ST3GAL6: variants seen among roughly 807,000 people sequenced by gnomAD.
ST3GAL6 encodes the protein type 2 lactosamine alpha-2,3-sialyltransferase.
A neutral mutation model predicts 40.5 loss-of-function variants in ST3GAL6; 31 were observed. That is an observed-to-expected ratio of 0.77 (90% CI 0.58 to 1.03). ST3GAL6 has a LOEUF of 1.03. ST3GAL6 is among the 50% of genes least tolerant of loss of function. The pLI, the probability that ST3GAL6 is intolerant of heterozygous loss-of-function variation, is 0.00. For synonymous variants in ST3GAL6, 129 were observed against 136.9 expected, an observed-to-expected ratio of 0.94 and a Z score of 0.40; for missense variants, 357 against 393.2, an observed-to-expected ratio of 0.91 and a Z score of 0.78.
chr3:98,795,780 A>G lies in ST3GAL6; in HGVS notation c.*2019A>G, dbSNP rs1399468313. The G allele has an allele frequency of 1.3e-5, 2 of 152,182 alleles. No individual in the cohort carries two copies. Among genetic ancestry groups the G allele is most frequent in the Non-Finnish European group, 2.9e-5 (2 of 68,038 alleles). The allele number at this position is 152,182 out of a possible 1,614,324, so 9.4% of individuals were successfully genotyped here. On this transcript the variant is annotated 3_prime_UTR_variant, in exon 10 of 10. Coordinates refer to ENST00000483910, the MANE Select transcript of ST3GAL6 (RefSeq NM_001323368.2). ...AACCTCAGTATCACACAATATACCC[A>G]TGTAACAACCTGCACTCTGCACATG...
chr3:98,793,796 AGTTTT>A lies in ST3GAL6; in HGVS notation c.*36_*40del, dbSNP rs753813749. On this transcript the variant is annotated 3_prime_UTR_variant, in exon 10 of 10. Transcript: ENST00000483910. ...CTCAGAAGATGATGCTAACAGTGTT[AGTTTT>A]ATTTTTGTACTGCAATTTTTAGTTT... is the stretch of plus-strand genomic sequence containing the variant. 7.1e-7 allele frequency: 1 copy of A among 1,401,422 alleles called. No homozygotes were observed. The highest frequency in any genetic ancestry group is 2.4e-5 in the East Asian group (1 of 42,124). The allele number at this position is 1,401,422 out of a possible 1,614,324, so 86.8% of individuals were successfully genotyped here.
At chr3:98,777,084 T>C (rs1352275763) in intron 5 of ST3GAL6, among the ~76,000 whole-genome samples, 1 of 152,188 alleles carries the variant, frequency 6.6e-6, no homozygotes, top group Non-Finnish European at 1.5e-5. Flanking sequence ...ACTTGTTCCT[T>C]CTGGTCTGGT....
intron 1 of ST3GAL6, among the ~76,000 whole-genome samples, chr3:98,736,921 A>C (rs1382866792): frequency 6.6e-6 from 1 of 152,212 alleles, no homozygotes; most frequent in Non-Finnish European, 1.5e-5. Context: ...GAGGAGATGT[A>C]GTCAGTAAGA....
At chr3:98,768,908 G>A (rs1401238615) in intron 2 of ST3GAL6, among the ~76,000 whole-genome samples, 1 of 152,146 alleles carries the variant, frequency 6.6e-6, no homozygotes, top group Non-Finnish European at 1.5e-5. Context: ...ATTACATATG[G>A]TTTCCTTTGT....
chr3:98,770,980 G>A, intron 3 of ST3GAL6, 24 bp downstream of exon 3: 1 of 1,608,882 alleles, frequency 6.2e-7, no homozygotes, highest in Non-Finnish European at 8.5e-7. Context: ...AGAAAAACCT[G>A]TGGCATACAA....
At chr3:98,742,020 A>T (rs1020417276) in intron 1 of ST3GAL6, among the ~76,000 whole-genome samples, 29 of 152,290 alleles carry the variant, frequency 1.9e-4, no homozygotes, top group African/African-American at 7.0e-4. Context: ...ACCTTTCAGT[A>T]CCTTCTTCAT....
At chr3:98,792,140 A>C in intron 9 of ST3GAL6, 147 bp downstream of exon 9, 1 of 674,156 alleles carries the variant, frequency 1.5e-6, no homozygotes, top group Non-Finnish European at 2.2e-6. Flanking sequence ...CAGGGCTACC[A>C]AGGGCTGTAA....
chr3:98,778,157 A>G (rs1241513979), intron 5 of ST3GAL6, among the ~76,000 whole-genome samples: 2 of 152,216 alleles, frequency 1.3e-5, no homozygotes, highest in East Asian at 1.9e-4. Context: ...AGGTGGTTAT[A>G]TAGTAACTAG....
At chr3:98,788,610 T>C in intron 8 of ST3GAL6, 147 bp downstream of exon 8, 1 of 674,854 alleles carries the variant, frequency 1.5e-6, no homozygotes, top group Non-Finnish European at 2.3e-6. Context: ...AGTAGTTATC[T>C]ATGGATATTA....
At chr3:98,743,188 G>A (rs1003154015) in intron 1 of ST3GAL6, among the ~76,000 whole-genome samples, 6 of 151,140 alleles carry the variant, frequency 4.0e-5, no homozygotes, top group Non-Finnish European at 8.9e-5. Flanking sequence ...TTGTGTGTGT[G>A]TGTGTATTTT....
chr3:98,795,318 A>G lies in ST3GAL6; in HGVS notation c.*1557A>G, dbSNP rs1941519925. ...AGAGGGTGTATAAAGGGTGAAATAC[A>G]TTAGATTTGGCTCAGAAACAGAATG... On this transcript the variant is annotated 3_prime_UTR_variant, in exon 10 of 10. Coordinates refer to ENST00000483910, the MANE Select transcript of ST3GAL6 (RefSeq NM_001323368.2). 1.3e-5 allele frequency: 2 copies of G among 152,214 alleles called. No individual in the cohort carries two copies. The highest frequency in any genetic ancestry group is 2.1e-4 in the South Asian group (1 of 4,826). The allele number at this position is 152,214 out of a possible 1,614,324, so 9.4% of individuals were successfully genotyped here.
chr3:98,761,373 C>T (rs895300628), upstream of ST3GAL6, among the ~76,000 whole-genome samples: 8 of 152,070 alleles, frequency 5.3e-5, no homozygotes, highest in South Asian at 2.1e-4. Flanking sequence ...TTTGGGAGGC[C>T]GAGGTGGGTG....
At chr3:98,739,380 C>G (rs201482842) in intron 1 of ST3GAL6, among the ~76,000 whole-genome samples, 1 of 74,602 alleles carries the variant, frequency 1.3e-5, no homozygotes, top group East Asian at 4.9e-4. Context: ...AGACAGAAAA[C>G]AAACAAACAA....
upstream of ST3GAL6, chr3:98,762,570 A>G: frequency 4.7e-6 from 1 of 211,748 alleles, no homozygotes; most frequent in Non-Finnish European, 8.2e-6. Context: ...ATTCCTTAGG[A>G]TTTCTCTCTT....
At chr3:98,755,280 T>G (rs1295629359) in intron 1 of ST3GAL6, among the ~76,000 whole-genome samples, 1 of 152,028 alleles carries the variant, frequency 6.6e-6, no homozygotes, top group Non-Finnish European at 1.5e-5. Context: ...TCTCCTGACC[T>G]CGTGATCCAC....
chr3:98,792,857 A>G (rs1454032900), intron 9 of ST3GAL6, among the ~76,000 whole-genome samples: 1 of 152,006 alleles, frequency 6.6e-6, no homozygotes, highest in Admixed American at 6.6e-5. Flanking sequence ...GGAGTTTCCT[A>G]GTTTTGTAAT....
chr3:98,740,499 T>C (rs1230842417), intron 1 of ST3GAL6, among the ~76,000 whole-genome samples: 2 of 152,240 alleles, frequency 1.3e-5, no homozygotes, highest in African/African-American at 4.8e-5. Flanking sequence ...AGGCTGTTCT[T>C]TGACACTCAG....
intron 5 of ST3GAL6, among the ~76,000 whole-genome samples, chr3:98,776,748 C>T (rs1939588296): frequency 6.6e-6 from 1 of 152,136 alleles, no homozygotes; most frequent in Non-Finnish European, 1.5e-5. Flanking sequence ...GCTTTTTATT[C>T]TCCTTCCATC....
chr3:98,754,830 A>G (rs906496338), intron 1 of ST3GAL6, among the ~76,000 whole-genome samples: 1 of 152,232 alleles, frequency 6.6e-6, no homozygotes, highest in Non-Finnish European at 1.5e-5. Flanking sequence ...AATCATTAGC[A>G]TTTTTAGCAG....
Sources: allele counts gnomAD v4.1 joint callset (sites outside exome capture counted in the v4.1 genomes callset), GRCh38; gene constraint gnomAD v4.1.1; transcripts MANE v1.5; gene names NCBI Gene and HGNC (gene_info 2026-07-23, HGNC 2026-07-21).